Variants in ZNF746 observed in about 807,000 individuals in gnomAD.
ZNF746 encodes the protein zinc finger protein 746, also known as parkin-interacting substrate.
A neutral mutation model predicts 41.0 loss-of-function variants in ZNF746; 13 were observed. The ratio of observed to expected loss-of-function variants is 0.32; its 90% CI spans 0.21 to 0.50. ZNF746 has a LOEUF of 0.50. ZNF746 is among the 20% of genes least tolerant of loss of function. ZNF746 has a pLI of 0.98. For synonymous variants in ZNF746, 424 were observed against 396.2 expected (o/e 1.07, Z -0.83); for missense variants, 811 against 922.9 (o/e 0.88, Z 1.57).
At chr7:149,478,124 CT>C (rs1357294425) in intron 4 of ZNF746, among the ~76,000 whole-genome samples, 1 of 142,874 alleles carries the variant, frequency 7.0e-6, no homozygotes, top group Non-Finnish European at 1.5e-5. Flanking sequence ...ACCTTCCCCC[CT>C]CATATATTTA....
chr7:149,475,417 G>A lies in ZNF746; in HGVS notation c.950C>T (p.Pro317Leu), dbSNP rs757081297. ...EEEVVATPVHPTDLEAHGTLF... is the reference protein window; with the variant it reads ...EEEVVATPVHLTDLEAHGTLF... ...GGTCCCGTGAGCCTCTAGGTCAGTA[G>A]GATGTACGGGTGTGGCCACCACCTC... The change falls in exon 7 of 7, where the codon CCT becomes CTT. Residue 317 changes from proline to leucine, a missense_variant. By Grantham distance (98) the Pro-to-Leu change is moderately conservative. Transcript: ENST00000458143. The A allele has an allele frequency of 5.0e-6, 8 of 1,614,072 alleles. No individual in the cohort carries two copies. The highest frequency in any genetic ancestry group is 1.3e-5 in the African/African-American group (1 of 74,934).
Position 149,494,434 on chromosome 7 carries a change from G to A in ZNF746, c.94C>T (p.Leu32=). Residue 32 remains leucine (L), a synonymous_variant, in exon 2 of 7, where the codon CTG becomes TTG. Transcript: ENST00000458143. The surrounding 1 kb of genome is among the most constrained non-coding windows in gnomAD (Gnocchi z 5.6). The part of the protein sequence containing the change: ...ERKIESQAAR[L]LSLEGRTGMA... ...CCGGTTCGACCTTCTAGGGAAAGCA[G>A]GCGAGCAGCCTGCGATTCAATCTTC... 1 of 1,614,018 alleles carries A rather than the reference G, an allele frequency of 6.2e-7. No individual in the cohort carries two copies. Among genetic ancestry groups the A allele is most frequent in the Admixed American group, 1.7e-5 (1 of 60,022 alleles).
intron 4 of ZNF746, chr7:149,490,209 A>G (rs1800755889): frequency 6.6e-6 from 1 of 152,348 alleles, no homozygotes; most frequent in Non-Finnish European, 1.5e-5. Flanking sequence ...AACGGGTTAA[A>G]ATATAAAACT....
At chr7:149,486,899 G>C (rs1800641802) in intron 4 of ZNF746, among the ~76,000 whole-genome samples, 1 of 152,172 alleles carries the variant, frequency 6.6e-6, no homozygotes, top group Non-Finnish European at 1.5e-5. Context: ...TATTTTGTTT[G>C]TTATGTATAA....
Position 149,493,933 on chromosome 7 carries a change from G to A in ZNF746, c.451+56C>T, listed in dbSNP as rs1050925421. 2.5e-6 allele frequency: 4 copies of A among 1,613,528 alleles called. No individual in the cohort carries two copies. The Admixed American group carries it at 6.7e-5, about 27-fold the overall frequency. Reference sequence around the variant, plus strand: ...ACATGAAAACAACTATGTGGAGGGAGAATTCTGAGGACTTGCAAAATCCCA... The same window carrying A: ...ACATGAAAACAACTATGTGGAGGGAAAATTCTGAGGACTTGCAAAATCCCA... On this transcript the variant is annotated intron_variant, in intron 3 of 6. Transcript: ENST00000458143.
At chr7:149,485,445 G>A (rs1026018410) in intron 4 of ZNF746, among the ~76,000 whole-genome samples, 1 of 152,122 alleles carries the variant, frequency 6.6e-6, no homozygotes, top group Non-Finnish European at 1.5e-5. Context: ...AAAGAAGCAG[G>A]GTCTCCACCT....
intron 6 of ZNF746, among the ~76,000 whole-genome samples, chr7:149,475,879 C>T (rs1310091351): frequency 6.6e-6 from 1 of 152,222 alleles, no homozygotes; most frequent in African/African-American, 2.4e-5. Flanking sequence ...GTTTCTAACC[C>T]ACAGCTCATC....
rs1213195860 is a variant in ZNF746, at chr7:149,473,409, T to C, written c.*975A>G. On this transcript the variant is annotated 3_prime_UTR_variant, in exon 7 of 7. Transcript: ENST00000458143. The stretch of plus-strand genomic sequence containing the variant: ...CTGAGGTGTGTCCCCTCTGAGCAGT[T>C]TGCACCTCTAAAAAGAAATCCCTGT... 1 of 152,204 alleles carries C rather than the reference T, an allele frequency of 6.6e-6. No individual in the cohort carries two copies. The highest frequency in any genetic ancestry group is 1.9e-4 in the East Asian group (1 of 5,188). 9.4% of individuals were successfully genotyped at this position (152,204 alleles called of 1,614,324 possible).
intron 4 of ZNF746, chr7:149,491,119 GGC>G (rs1199674905): frequency 6.5e-6 from 1 of 152,998 alleles, no homozygotes; most frequent in Admixed American, 6.5e-5. Flanking sequence ...GGCCAAATGT[GGC>G]AAGGGATGAG....
intron 4 of ZNF746, among the ~76,000 whole-genome samples, chr7:149,486,696 A>G (rs1313788910): frequency 6.6e-6 from 1 of 152,222 alleles, no homozygotes; most frequent in Non-Finnish European, 1.5e-5. Flanking sequence ...CTGAGGGAAT[A>G]AAAATGTAAA....
chr7:149,491,992 A>G, intron 4 of ZNF746: 1 of 703,028 alleles, frequency 1.4e-6, no homozygotes, highest in African/African-American at 1.7e-5. Flanking sequence ...GTGTGCTTCT[A>G]ATAATACCAA....
In ZNF746 at chr7:149,474,366, C is replaced by G. The variant is rs557193748; in HGVS notation, c.*18G>C. 6.9e-6 allele frequency: 11 copies of G among 1,593,004 alleles called. No homozygotes were observed. In the South Asian group the frequency reaches 1.1e-4, roughly 17 times the overall value. ...TTTTTACACGTGCGGCCGGCAGGGG[C>G]TATGGGGCTGGAGGCGCTCACATGT... On this transcript the variant is annotated 3_prime_UTR_variant, in exon 7 of 7. Transcript: ENST00000458143. This position sits in a 1 kb window ranked among gnomAD's most constrained non-coding sequence, Gnocchi z 6.3.
At position 149,474,506 on chromosome 7, in the gene ZNF746, G is replaced by A. The variant is rs570463033; in HGVS notation, c.1861C>T (p.Pro621Ser). The A allele has an allele frequency of 2.5e-6, 4 of 1,609,836 alleles. No homozygotes were observed. The Admixed American group carries it at 6.7e-5, about 27-fold the overall frequency. The change falls in exon 7 of 7, where the codon CCC becomes TCC. Residue 621 changes from proline (P) to serine (S), a missense_variant. By Grantham distance (74) the Pro-to-Ser change is moderately conservative. Around this residue, in one of 4 missense-constraint regions of ZNF746, gnomAD observed 99 missense variants for 80.3 expected, o/e 1.23. Coordinates refer to ENST00000458143, the MANE Select transcript of ZNF746 (RefSeq NM_001394198.1). This position sits in a 1 kb window ranked among gnomAD's most constrained non-coding sequence, Gnocchi z 6.3. ...CTCTTGAAGGGATCAGGAGGTGCGG[G>A]CGGCGTCGGGAGTGGCTGGCCTCGG... is the stretch of plus-strand genomic sequence containing the variant. ...PARGQPLPTP[P>S]APPDPFKSPA...
At chr7:149,488,766 A>G (rs559569873) in intron 4 of ZNF746, 3 of 152,318 alleles carry the variant, frequency 2.0e-5, no homozygotes, top group South Asian at 4.2e-4. Context: ...AGGGCCATAC[A>G]GTAACGGAAG....
intron 4 of ZNF746, among the ~76,000 whole-genome samples, chr7:149,478,458 C>T (rs1040730610): frequency 1.1e-4 from 17 of 152,194 alleles, no homozygotes; most frequent in Non-Finnish European, 2.9e-5. Flanking sequence ...CATGTCCACA[C>T]AGAATTCACA....
intron 4 of ZNF746, among the ~76,000 whole-genome samples, chr7:149,482,558 A>G (rs566205610): frequency 1.5e-4 from 22 of 149,700 alleles, no homozygotes; most frequent in Admixed American, 6.0e-4. Context: ...TCCACTTGCC[A>G]GGTTAAAGCA....
intron 4 of ZNF746, among the ~76,000 whole-genome samples, chr7:149,480,588 C>A (rs1800456765): frequency 1.3e-5 from 2 of 152,006 alleles, no homozygotes; most frequent in Non-Finnish European, 2.9e-5. Context: ...GTGCATGCCT[C>A]TAGGCCCAGC....
rs1801045792 is a variant in ZNF746 at position 149,497,435 on chromosome 7, C to T, written c.24+78G>A. On this transcript the variant is annotated intron_variant, in intron 1 of 6. Coordinates refer to ENST00000458143, the MANE Select transcript of ZNF746 (RefSeq NM_001394198.1). The surrounding 1 kb of genome is among the most constrained non-coding windows in gnomAD (Gnocchi z 4.2). The stretch of plus-strand genomic sequence containing the variant: ...CGGACCCCGGAACCCCTCCCCAGGG[C>T]CTGCGGCGCCGTGTGCCGGGGCCGG... 2 of 1,048,056 alleles carry T rather than the reference C, an allele frequency of 1.9e-6. No homozygotes were observed. The highest frequency in any genetic ancestry group is 3.4e-5 in the African/African-American group (2 of 58,526). 64.9% of individuals were successfully genotyped at this position (1,048,056 alleles called of 1,614,324 possible).
chr7:149,479,141 T>C (rs1800411441), intron 4 of ZNF746, among the ~76,000 whole-genome samples: 1 of 133,132 alleles, frequency 7.5e-6, no homozygotes, highest in African/African-American at 2.6e-5. Flanking sequence ...TTTCCAAAAC[T>C]GAAGGCATTG....
Sources: allele counts gnomAD v4.1 joint callset (sites outside exome capture counted in the v4.1 genomes callset), GRCh38; gene constraint gnomAD v4.1.1; regional missense constraint gnomAD v4.1.1; non-coding constraint Gnocchi (gnomAD v3.1); transcripts MANE v1.5; gene names NCBI Gene and HGNC (gene_info 2026-07-23, HGNC 2026-07-21).